UBE2O: variants seen among roughly 807,000 people sequenced by gnomAD.
UBE2O encodes (E3-independent) E2 ubiquitin-conjugating enzyme.
Under a neutral mutation model 125.8 loss-of-function variants are expected in UBE2O, and 15 were observed. That is an observed-to-expected ratio of 0.12 (90% confidence interval 0.08 to 0.18). UBE2O has a LOEUF of 0.18. Among genes scored for constraint, UBE2O ranks in the 10% least tolerant of loss-of-function variants. The pLI, the probability that UBE2O is intolerant of heterozygous loss-of-function variation, is 1.00. For synonymous variants in UBE2O, 708 were observed against 703.2 expected (o/e 1.01, Z -0.11); for missense variants, 1,280 against 1,723.6 (o/e 0.74, Z 4.56).
In UBE2O at chr17:76,436,379, C is replaced by A. The variant is rs548677771; in HGVS notation, c.417+16346G>T. 1.7e-3 allele frequency among the ~76,000 whole-genome samples: 256 copies of A among 152,152 alleles called. 1 individual carries two copies. Among genetic ancestry groups the A allele is most frequent in the Middle Eastern group, 3.4e-3 (1 of 294 alleles). On this transcript the variant is annotated intron_variant, in intron 1 of 17. Transcript: ENST00000319380. ...TTTTTTTACCCACCTTTCCTATGTC[C>A]TTGCACTTTTGTATTAAGTATATAA...
chr17:76,443,756 G>A (rs939491095), intron 1 of UBE2O, among the ~76,000 whole-genome samples: 5 of 152,202 alleles, frequency 3.3e-5, no homozygotes, highest in Admixed American at 1.3e-4. Context: ...ACCAGATGCA[G>A]CTACAAGCAG....
Position 76,391,343 on chromosome 17 carries a change from T to C in UBE2O, c.3479A>G (p.Asn1160Ser), listed in dbSNP as rs985357194. Residue 1160 changes from asparagine to serine, a missense_variant, in exon 18 of 18, where the codon AAC becomes AGC. By Grantham distance (46) the Asn-to-Ser change is conservative. Around this residue, in one of 10 missense-constraint regions of UBE2O, gnomAD observed 233 missense variants for 279.0 expected, o/e 0.84. Coordinates refer to ENST00000319380, the MANE Select transcript of UBE2O (RefSeq NM_022066.4). The surrounding 1 kb of genome is among the most constrained non-coding windows in gnomAD (Gnocchi z 8.4). ...ALLEKAQALP[N>S]GVPKASSSPE... ...CGAGCTGCTGGCCTTGGGCACCCCG[T>C]TGGGCAGTGCCTGGGCCTTCTCCAG... The C allele has an allele frequency of 4.3e-6, 7 of 1,613,038 alleles. No individual in the cohort carries two copies. The highest frequency in any genetic ancestry group is 2.7e-5 in the African/African-American group (2 of 74,916).
intron 1 of UBE2O, among the ~76,000 whole-genome samples, chr17:76,419,641 G>C (rs568171174): frequency 1.3e-5 from 2 of 152,166 alleles, no homozygotes; most frequent in African/African-American, 2.4e-5. Context: ...TCCCAGCCTG[G>C]GCCAGTTTCC....
intron 1 of UBE2O, among the ~76,000 whole-genome samples, chr17:76,420,043 A>G (rs913665836): frequency 6.6e-6 from 1 of 151,214 alleles, no homozygotes; most frequent in African/African-American, 2.4e-5. Flanking sequence ...CTGCTGCCTC[A>G]CTCCTGCCAC....
rs749442267 is a variant in UBE2O, at chr17:76,395,880, T to C, written c.2810-19A>G. 1.9e-6 allele frequency: 3 copies of C among 1,613,784 alleles called. No homozygotes were observed. The highest frequency in any genetic ancestry group is 1.3e-5 in the African/African-American group (1 of 74,918). ...TGATTTGCTAGAGGGGGGAAGAGAA[T>C]AGTCAGTCCCTCATGGAGAGGCCCT... On this transcript the variant is annotated intron_variant, in intron 14 of 17. Coordinates refer to ENST00000319380, the MANE Select transcript of UBE2O (RefSeq NM_022066.4). This position sits in a 1 kb window ranked among gnomAD's most constrained non-coding sequence, Gnocchi z 5.0.
rs1345278989 is a variant in UBE2O at position 76,401,131 on chromosome 17, A to G, written c.774T>C (p.Tyr258=). The part of the protein sequence containing the change: ...SDSGLFFDDS[Y]GFYPGQVLIG... ...TGAGCACCTGGCCTGGGTAGAAGCCATAGGAATCATCGAAGAAGAGACCCT... is the reference window on the plus strand; with the variant it reads ...TGAGCACCTGGCCTGGGTAGAAGCCGTAGGAATCATCGAAGAAGAGACCCT... Residue 258 remains tyrosine (Y), a synonymous_variant, in exon 6 of 18, where the codon TAT becomes TAC. Transcript: ENST00000319380. The G allele has an allele frequency of 1.2e-6, 2 of 1,613,682 alleles. No homozygotes were observed. The highest frequency in any genetic ancestry group is 4.5e-5 in the East Asian group (2 of 44,888).
At chr17:76,406,630 C>T in intron 1 of UBE2O, among the ~76,000 whole-genome samples, 1 of 147,724 alleles carries the variant, frequency 6.8e-6, no homozygotes, top group African/African-American at 2.5e-5. Flanking sequence ...GAAAGAAAAG[C>T]AATGAACCCC....
chr17:76,392,963 G>C (rs76196968), intron 15 of UBE2O, among the ~76,000 whole-genome samples: 1 of 150,000 alleles, frequency 6.7e-6, no homozygotes, highest in Admixed American at 6.6e-5. Context: ...AAAAAAAAAA[G>C]ATTGTATTCC....
At chr17:76,414,249 G>A (rs1047076709) in intron 1 of UBE2O, among the ~76,000 whole-genome samples, 1 of 152,240 alleles carries the variant, frequency 6.6e-6, no homozygotes, top group Admixed American at 6.5e-5. Flanking sequence ...CAACAGAGAA[G>A]CTGTGCTAAG....
chr17:76,431,714 G>T (rs892501329), intron 1 of UBE2O, among the ~76,000 whole-genome samples: 5 of 152,224 alleles, frequency 3.3e-5, no homozygotes, highest in East Asian at 1.9e-4. Context: ...AGCCCAGCGG[G>T]GGGGACTGCT....
intron 1 of UBE2O, among the ~76,000 whole-genome samples, chr17:76,433,610 T>C (rs2072937649): frequency 7.9e-4 from 2 of 2,526 alleles, no homozygotes; most frequent in African/African-American, 9.8e-4. Flanking sequence ...AATAAACCTT[T>C]TTTTTTTTAA....
chr17:76,409,038 G>C (rs963852140), intron 1 of UBE2O, among the ~76,000 whole-genome samples: 1 of 150,250 alleles, frequency 6.7e-6, no homozygotes, highest in Non-Finnish European at 1.5e-5. Flanking sequence ...GCGCGATCTC[G>C]GCTCACTGCA....
In UBE2O at chr17:76,452,671, G is replaced by A; in HGVS notation, c.417+54C>T. ...CTGCACGCCGTCCTTCCCTGGCCTC[G>A]GCCCGGCCGCCGACCCCCTGCCGCC... On this transcript the variant is annotated intron_variant, in intron 1 of 17. Transcript: ENST00000319380. The surrounding 1 kb of genome is among the most constrained non-coding windows in gnomAD (Gnocchi z 4.4). 7.5e-7 allele frequency: 1 copy of A among 1,338,104 alleles called. No homozygotes were observed. Among genetic ancestry groups the A allele is most frequent in the Non-Finnish European group, 9.5e-7 (1 of 1,053,818 alleles). The allele number at this position is 1,338,104 out of a possible 1,614,324, so 82.9% of individuals were successfully genotyped here. A position where few individuals can be genotyped will look rare whatever the true frequency, so the allele number is the denominator to read the frequency against.
chr17:76,398,339 G>C lies in UBE2O; in HGVS notation c.1941C>G (p.Asp647Glu), dbSNP rs1433045290. 1 of 1,614,064 alleles carries C rather than the reference G, an allele frequency of 6.2e-7. No individual in the cohort carries two copies. Among genetic ancestry groups the C allele is most frequent in the Non-Finnish European group, 8.5e-7 (1 of 1,180,040 alleles). The stretch of plus-strand genomic sequence containing the variant: ...TTGTACGGAACCTAAAGTCAGGGTG[G>C]TCAGCAATGTCGTAAACACTCACAT... ...EEDVSVYDIA[D>E]HPDFRFRTTD... The change falls in exon 12 of 18, where the codon GAC (aspartate) becomes GAG (glutamate). Residue 647 changes from aspartate (D) to glutamate (E), a missense_variant. Transcript: ENST00000319380. The surrounding 1 kb of genome is among the most constrained non-coding windows in gnomAD (Gnocchi z 5.4).
rs2072261719 is a variant in UBE2O at position 76,398,769 on chromosome 17, C to A, written c.1783+68G>T. On this transcript the variant is annotated intron_variant, in intron 10 of 17. Transcript: ENST00000319380. This position sits in a 1 kb window ranked among gnomAD's most constrained non-coding sequence, Gnocchi z 5.4. ...TGACCCCAGATCCACTGCCCATTCT[C>A]CACAAGCCCCAACCCGGGCCCTCAT... 3.2e-6 allele frequency: 5 copies of A among 1,578,750 alleles called. No homozygotes were observed. The South Asian group carries it at 5.8e-5, about 18-fold the overall frequency.
intron 1 of UBE2O, among the ~76,000 whole-genome samples, chr17:76,412,383 C>T (rs2072531433): frequency 6.6e-6 from 1 of 152,162 alleles, no homozygotes; most frequent in African/African-American, 2.4e-5. Context: ...AAACGCCACT[C>T]CTCCACCCCC....
At position 76,438,154 on chromosome 17, in the gene UBE2O, G is replaced by GA. The variant is rs566020116; in HGVS notation, c.417+14570dup. 2.0e-4 allele frequency among the ~76,000 whole-genome samples: 30 copies of GA among 152,174 alleles called. No homozygotes were observed. In the East Asian group the frequency reaches 5.0e-3, roughly 25 times the overall value. ...CACATGTCTACATCCACTGCTTTTA[G>GA]AAAAGGTTTTTCTAAAAGCTATAAA... On this transcript the variant is annotated intron_variant, in intron 1 of 17. Transcript: ENST00000319380.
chr17:76,431,807 G>A (rs2072912702), intron 1 of UBE2O, among the ~76,000 whole-genome samples: 1 of 152,086 alleles, frequency 6.6e-6, no homozygotes, highest in Non-Finnish European at 1.5e-5. Context: ...ATTTTAAAAA[G>A]AACAGCTCCA....
chr17:76,424,314 T>TTC (rs1333101238), intron 1 of UBE2O, among the ~76,000 whole-genome samples: 1 of 150,606 alleles, frequency 6.6e-6, no homozygotes, highest in Non-Finnish European at 1.5e-5. Flanking sequence ...GTTCAAGCGA[T>TTC]TCTCCTGTCT....
Sources: allele counts gnomAD v4.1 joint callset (sites outside exome capture counted in the v4.1 genomes callset), GRCh38; gene constraint gnomAD v4.1.1; regional missense constraint gnomAD v4.1.1; non-coding constraint Gnocchi (gnomAD v3.1); transcripts MANE v1.5; gene names NCBI Gene and HGNC (gene_info 2026-07-23, HGNC 2026-07-21).